RUFY4: variants seen among roughly 807,000 people sequenced by gnomAD.
RUFY4 encodes the protein RUN and FYVE domain-containing protein 4.
Under a neutral mutation model 69.0 loss-of-function variants are expected in RUFY4, and 73 were observed. That is an observed-to-expected ratio of 1.06 (90% CI 0.88 to 1.29). The LOEUF is 1.29. RUFY4 is among the 50% of genes most tolerant of loss of function. The pLI, the probability that RUFY4 is intolerant of heterozygous loss-of-function variation, is 0.00. For synonymous variants in RUFY4, 287 were observed against 271.8 expected (o/e 1.06, Z -0.55); for missense variants, 770 against 705.6 (o/e 1.09, Z -1.03).
chr2:218,070,788 G>A, exon 2 of RUFY4: 1 of 1,537,226 alleles, frequency 6.5e-7, no homozygotes, highest in Non-Finnish European at 8.7e-7. Context: ...CTATGGGGAT[G>A]GGCAGGGGCC....
At position 218,075,319 on chromosome 2, in the gene RUFY4, AC is replaced by A; in HGVS notation, c.829del (p.Gln277ArgfsTer33). ...CCAGAAGGGAAGGAGCTTCAGCTAG[AC>A]CAGGAGGAAAGAGCCCCATGGATTG... On this transcript the variant is annotated frameshift_variant, in exon 7 of 11. Transcript: ENST00000344321. LOFTEE classifies it high-confidence loss of function. 1 of 1,609,318 alleles carries A rather than the reference AC, an allele frequency of 6.2e-7. No individual in the cohort carries two copies. The highest frequency in any genetic ancestry group is 8.5e-7 in the Non-Finnish European group (1 of 1,177,916).
chr2:218,060,870 C>G, intron 3 of RUFY4: 1 of 1,399,464 alleles, frequency 7.1e-7, no homozygotes, highest in Non-Finnish European at 1.0e-6. Flanking sequence ...GAAGGTCCTT[C>G]GGAAAAGCAA....
chr2:218,052,470 T>A (rs1249113818), intron 2 of RUFY4, among the ~76,000 whole-genome samples: 1 of 152,238 alleles, frequency 6.6e-6, no homozygotes, highest in Non-Finnish European at 1.5e-5. Flanking sequence ...TTACCGTGTC[T>A]AATTACCTTT....
intron 2 of RUFY4, among the ~76,000 whole-genome samples, chr2:218,038,573 G>A (rs1959013790): frequency 6.6e-6 from 1 of 152,186 alleles, no homozygotes; most frequent in Non-Finnish European, 1.5e-5. Flanking sequence ...TAGAGATGAT[G>A]GAAGTTTGGA....
chr2:218,066,951 G>A (rs944053563), upstream of RUFY4, among the ~76,000 whole-genome samples: 16 of 152,198 alleles, frequency 1.1e-4, no homozygotes, highest in Admixed American at 7.9e-4. Context: ...TGAGGATACC[G>A]ATACACCTGT....
chr2:218,066,560 A>T (rs1334797505), upstream of RUFY4, among the ~76,000 whole-genome samples: 1 of 152,082 alleles, frequency 6.6e-6, no homozygotes, highest in East Asian at 1.9e-4. Flanking sequence ...CTTCTTTTTT[A>T]TTTTAACTTT....
intron 9 of RUFY4, among the ~76,000 whole-genome samples, chr2:218,085,844 C>A (rs1253788442): frequency 2.0e-5 from 3 of 152,212 alleles, no homozygotes; most frequent in Non-Finnish European, 4.4e-5. Context: ...GCCCAGTCCC[C>A]ACTAAAGGGA....
rs182449850 is a variant in RUFY4 at position 218,079,075 on chromosome 2, G to A, written c.1355+2542G>A. Among the ~76,000 whole-genome samples the A allele has an allele frequency of 1.4e-4, 22 of 152,270 alleles. No individual in the cohort carries two copies. In the East Asian group the frequency reaches 3.9e-3, roughly 27 times the overall value. ...GTAGAGATGGGGTTTCATCATGTTG[G>A]CCAGGCTGGTCTCAAACTCCTGACC... On this transcript the variant is annotated intron_variant, in intron 8 of 10. Transcript: ENST00000344321.
chr2:218,056,156 G>A (rs191984904), intron 2 of RUFY4, among the ~76,000 whole-genome samples: 3 of 151,866 alleles, frequency 2.0e-5, no homozygotes, highest in Admixed American at 2.0e-4. Flanking sequence ...TGCCTAGTTG[G>A]TTGCCTTGAG....
At chr2:218,053,671 G>T (rs146515578) in intron 2 of RUFY4, among the ~76,000 whole-genome samples, 9 of 151,758 alleles carry the variant, frequency 5.9e-5, no homozygotes, top group African/African-American at 2.2e-4. Flanking sequence ...CACCGCGCCC[G>T]GCTAATTTTT....
chr2:218,072,304 C>T (rs2106049907), intron 2 of RUFY4, 70 bp from the exon 5 acceptor site: 1 of 1,508,632 alleles, frequency 6.6e-7, no homozygotes, highest in Non-Finnish European at 8.8e-7. Context: ...GTCCCCTCAG[C>T]AAGCTAGAAT....
chr2:218,038,613 G>C (rs1959014511), intron 2 of RUFY4, among the ~76,000 whole-genome samples: 1 of 152,358 alleles, frequency 6.6e-6, no homozygotes, highest in South Asian at 2.1e-4. Context: ...CATGTTATCA[G>C]TGAAGAGTGC....
chr2:218,039,736 G>A (rs1959034177), intron 2 of RUFY4, among the ~76,000 whole-genome samples: 1 of 152,172 alleles, frequency 6.6e-6, no homozygotes. Flanking sequence ...CAGCTCTATG[G>A]TCTCTCTGCT....
chr2:218,036,380 G>A (rs995891987), intron 2 of RUFY4, among the ~76,000 whole-genome samples: 2 of 152,118 alleles, frequency 1.3e-5, no homozygotes, highest in Admixed American at 6.5e-5. Flanking sequence ...TTCTTCCTGG[G>A]CTCACAGTCC....
intron 10 of RUFY4, 182 bp from the exon 13 acceptor site, chr2:218,089,770 C>T (rs1239374829): frequency 2.4e-5 from 17 of 707,616 alleles, no homozygotes; most frequent in Non-Finnish European, 3.4e-5. Context: ...AGGGGTCGGG[C>T]ATCAGGACAC....
At chr2:218,038,654 C>T (rs1959015254) in intron 2 of RUFY4, among the ~76,000 whole-genome samples, 1 of 152,110 alleles carries the variant, frequency 6.6e-6, no homozygotes, top group African/African-American at 2.4e-5. Context: ...AATCTGACTC[C>T]CAGTGGCTTA....
intron 2 of RUFY4, among the ~76,000 whole-genome samples, chr2:218,036,304 C>T (rs1958976533): frequency 6.6e-6 from 1 of 152,186 alleles, no homozygotes; most frequent in African/African-American, 2.4e-5. Flanking sequence ...CCTCTCTGGA[C>T]TTTACACAAA....
intron 9 of RUFY4, among the ~76,000 whole-genome samples, chr2:218,087,840 A>G (rs903515703): frequency 6.6e-6 from 1 of 152,142 alleles, no homozygotes; most frequent in Non-Finnish European, 1.5e-5. Flanking sequence ...AAAAGAAAAA[A>G]AAAATTACAA....
At chr2:218,064,875 C>A (rs1689287483), upstream of RUFY4, among the ~76,000 whole-genome samples, 1 of 151,378 alleles carries the variant, frequency 6.6e-6, no homozygotes, top group Non-Finnish European at 1.5e-5. Context: ...TATCCCCTAA[C>A]CCCATCCCCT....
Sources: gnomAD v4.1 joint callset for allele counts (sites outside exome capture counted in the v4.1 genomes callset) on GRCh38, gnomAD v4.1.1 for gene constraint, MANE v1.5 for transcripts, NCBI Gene and HGNC (gene_info 2026-07-23, HGNC 2026-07-21) for gene names.